The following ARHGEF33 variants were observed in gnomAD, a reference collection of about 807,000 sequenced individuals.
The protein encoded by ARHGEF33 is Rho guanine nucleotide exchange factor 33, also known as DH and coiled-coil domain-containing protein ENSP00000381780.
ARHGEF33 carries 72 observed loss-of-function variants against 101.9 expected under a neutral mutation model. The observed-to-expected ratio is 0.71, with a 90% CI of 0.58 to 0.86. The LOEUF (loss-of-function observed/expected upper bound fraction) is 0.86. Among genes scored for constraint, ARHGEF33 ranks in the 40% least tolerant of loss-of-function variants. The pLI is 0.00. For synonymous variants in ARHGEF33, 499 were observed against 442.5 expected, an observed-to-expected ratio of 1.13 and a Z score of -1.60; for missense variants, 1,169 against 1,111.3, an observed-to-expected ratio of 1.05 and a Z score of -0.74.
At chr2:38,918,343 G>C (rs948765751) in intron 2 of ARHGEF33, among the ~76,000 whole-genome samples, 1 of 152,136 alleles carries the variant, frequency 6.6e-6, no homozygotes, top group South Asian at 2.1e-4. Context: ...TGTTAATTGG[G>C]GTAGGTGCAT....
chr2:38,957,864 A>C, intron 14 of ARHGEF33, 170 bp from the exon 15 acceptor site: 1 of 741,704 alleles, frequency 1.3e-6, no homozygotes, highest in Non-Finnish European at 2.2e-6. Flanking sequence ...TAGTCCTGCC[A>C]GCTTGCACCC....
intron 15 of ARHGEF33, chr2:38,959,339 A>T (rs184145238): frequency 1.4e-4 from 21 of 152,546 alleles, no homozygotes; most frequent in African/African-American, 4.6e-4. Flanking sequence ...TTTCAAATTT[A>T]CATAGAAGAG....
In ARHGEF33 at chr2:38,954,418, A is replaced by G; in HGVS notation, c.1183A>G (p.Ile395Val). The G allele has an allele frequency of 1.9e-6, 3 of 1,551,336 alleles. No homozygotes were observed. Among genetic ancestry groups the G allele is most frequent in the South Asian group, 2.4e-5 (2 of 84,050 alleles). The change falls in exon 13 of 18, where the codon ATA becomes GTA. Residue 395 changes from isoleucine to valine, a missense_variant. By Grantham distance (29) the Ile-to-Val change is conservative. Transcript: ENST00000409978. Reference protein sequence around the residue: ...KSDIYTLFFHIVQRIPEYLIH... With the variant: ...KSDIYTLFFHVVQRIPEYLIH... The stretch of plus-strand genomic sequence containing the variant: ...TGACATCTACACGTTGTTTTTTCAC[A>G]TAGTCCAGCGCATCCCTGAATATCT...
At chr2:38,917,873 C>A (rs921009490) in intron 2 of ARHGEF33, among the ~76,000 whole-genome samples, 4 of 151,514 alleles carry the variant, frequency 2.6e-5, no homozygotes, top group African/African-American at 9.7e-5. Flanking sequence ...TCCCAGTTAT[C>A]CCTCCACCTC....
At chr2:38,905,885 GC>G (rs1225473466) in intron 2 of ARHGEF33, among the ~76,000 whole-genome samples, 122 of 152,274 alleles carry the variant, frequency 8.0e-4, no homozygotes, top group African/African-American at 2.8e-3. Context: ...CTTACAGAAT[GC>G]TTAAGCAGCC....
intron 17 of ARHGEF33, chr2:38,971,929 G>A (rs1265144551): frequency 4.2e-6 from 3 of 718,596 alleles, no homozygotes; most frequent in Non-Finnish European, 7.8e-6. Context: ...TGACATCAAA[G>A]CTTTCCTATT....
intron 2 of ARHGEF33, among the ~76,000 whole-genome samples, chr2:38,910,192 T>C (rs1437194475): frequency 6.6e-6 from 1 of 152,210 alleles, no homozygotes; most frequent in Non-Finnish European, 1.5e-5. Context: ...ATAGTTGTTC[T>C]GGATAAAAAA....
chr2:38,925,770 A>T (rs1002848346), intron 4 of ARHGEF33, among the ~76,000 whole-genome samples: 1 of 152,158 alleles, frequency 6.6e-6, no homozygotes, highest in Non-Finnish European at 1.5e-5. Context: ...GAATCATAGG[A>T]ATTGGGAGGT....
chr2:38,967,625 G>C (rs1668078363), intron 17 of ARHGEF33, among the ~76,000 whole-genome samples: 1 of 152,174 alleles, frequency 6.6e-6, no homozygotes, highest in Non-Finnish European at 1.5e-5. Context: ...GCCCAGGCTG[G>C]AGTGCAATGG....
intron 17 of ARHGEF33, among the ~76,000 whole-genome samples, chr2:38,967,808 G>C (rs1019744995): frequency 1.4e-5 from 2 of 144,788 alleles, no homozygotes; most frequent in African/African-American, 5.2e-5. Context: ...TTGAACTCCT[G>C]ACCTCAAGTG....
At chr2:38,947,449 G>A (rs965936442) in intron 10 of ARHGEF33, among the ~76,000 whole-genome samples, 2 of 152,150 alleles carry the variant, frequency 1.3e-5, no homozygotes, top group Non-Finnish European at 2.9e-5. Flanking sequence ...GGGTGCAGCG[G>A]CCCAGTCACA....
chr2:38,913,899 C>G (rs902847626), intron 2 of ARHGEF33, among the ~76,000 whole-genome samples: 2 of 151,742 alleles, frequency 1.3e-5, no homozygotes, highest in African/African-American at 4.8e-5. Context: ...GAAGCTGTCA[C>G]TCCTTGGTTA....
chr2:38,903,472 A>G (rs539570916), intron 2 of ARHGEF33, among the ~76,000 whole-genome samples: 1 of 151,760 alleles, frequency 6.6e-6, no homozygotes, highest in African/African-American at 2.4e-5. Flanking sequence ...AGCCCATCAC[A>G]TAATTTGTTT....
intron 9 of ARHGEF33, among the ~76,000 whole-genome samples, chr2:38,939,288 T>C (rs1270451160): frequency 2.0e-5 from 3 of 152,218 alleles, no homozygotes; most frequent in African/African-American, 7.2e-5. Flanking sequence ...ATGAATATTC[T>C]TGTACAAATT....
rs973700884 is a variant in ARHGEF33, at chr2:38,954,430, A to T, written c.1195A>T (p.Ile399Phe). ...YTLFFHIVQR[I>F]PEYLIHLQNV... ...GTTGTTTTTTCACATAGTCCAGCGCATCCCTGAATATCTGATACATCTGCA... is the reference window on the plus strand; with the variant it reads ...GTTGTTTTTTCACATAGTCCAGCGCTTCCCTGAATATCTGATACATCTGCA... Residue 399 changes from isoleucine to phenylalanine, a missense_variant, in exon 13 of 18, where the codon ATC becomes TTC. Transcript: ENST00000409978. The T allele has an allele frequency of 6.4e-7, 1 of 1,550,544 alleles. No individual in the cohort carries two copies. The highest frequency in any genetic ancestry group is 1.4e-5 in the African/African-American group (1 of 73,030).
intron 3 of ARHGEF33, 63 bp downstream of exon 3, chr2:38,919,535 G>T: frequency 6.7e-7 from 1 of 1,484,282 alleles, no homozygotes; most frequent in Non-Finnish European, 9.2e-7. Context: ...TTTTTGTCTT[G>T]TCTTACCACT....
chr2:38,908,103 G>A (rs1022498074), intron 2 of ARHGEF33, among the ~76,000 whole-genome samples: 6 of 152,094 alleles, frequency 3.9e-5, no homozygotes, highest in Admixed American at 3.9e-4. Flanking sequence ...GGGCTCAAAT[G>A]ACTCTTTTGC....
intron 4 of ARHGEF33, among the ~76,000 whole-genome samples, chr2:38,928,604 T>A (rs1265649404): frequency 6.6e-6 from 1 of 152,216 alleles, no homozygotes; most frequent in Non-Finnish European, 1.5e-5. Flanking sequence ...CAAGCAAATC[T>A]CATTTTAATC....
rs77536671 is a variant in ARHGEF33, at chr2:38,944,123, G to A, written c.920+93G>A. 1.2e-3 allele frequency: 1,606 copies of A among 1,311,896 alleles called. 17 individuals are homozygous for A. The African/African-American group carries it at 0.021, about 17-fold the overall frequency. 81.3% of individuals were successfully genotyped at this position (1,311,896 alleles called of 1,614,324 possible). On this transcript the variant is annotated intron_variant, in intron 10 of 17. Transcript: ENST00000409978. Reference sequence around the variant, plus strand: ...CCACTTTGGGATTTCTGGGGCCTATGAAGAGTTCCAGAAATAGTCTTTGAA... The same window carrying A: ...CCACTTTGGGATTTCTGGGGCCTATAAAGAGTTCCAGAAATAGTCTTTGAA...
Sources: allele counts gnomAD v4.1 joint callset (sites outside exome capture counted in the v4.1 genomes callset), GRCh38; gene constraint gnomAD v4.1.1; transcripts MANE v1.5; gene names NCBI Gene and HGNC (gene_info 2026-07-23, HGNC 2026-07-21).